The following TOP2A variants were observed in gnomAD, a reference collection of about 807,000 sequenced individuals.
TOP2A encodes the protein DNA topoisomerase II alpha.
A neutral mutation model predicts 187.2 loss-of-function variants in TOP2A; 68 were observed. The observed-to-expected ratio is 0.36, with a 90% CI of 0.30 to 0.44. The LOEUF (loss-of-function observed/expected upper bound fraction) is 0.44. Ranked by LOEUF, TOP2A falls within the 20% of genes least tolerant of loss-of-function variation. The probability of loss-of-function intolerance (pLI) is 1.00; values close to 1 mark genes in which losing one functional copy is unlikely to be tolerated. For missense variants in TOP2A, 1,196 were observed against 1,808.7 expected, an observed-to-expected ratio of 0.66 and a Z score of 6.14; for synonymous variants, 542 against 593.2, an observed-to-expected ratio of 0.91 and a Z score of 1.25.
chr17:40,392,745 G>T lies in TOP2A; in HGVS notation c.3812-8C>A. The T allele has an allele frequency of 6.3e-7, 1 of 1,599,074 alleles. No individual in the cohort carries two copies. The highest frequency in any genetic ancestry group is 8.5e-7 in the Non-Finnish European group (1 of 1,176,058). On this transcript the variant is annotated splice_polypyrimidine_tract_variant and splice_region_variant and intron_variant, in intron 29 of 34. Coordinates refer to ENST00000423485, the MANE Select transcript of TOP2A (RefSeq NM_001067.4). The stretch of plus-strand genomic sequence containing the variant: ...GTTTCTTTGTCTTTGTACCTAGAGG[G>T]GAGATAGAAATTAATCACCTTTATA...
chr17:40,405,193 T>A (rs1352058166), intron 16 of TOP2A, among the ~76,000 whole-genome samples: 1 of 149,862 alleles, frequency 6.7e-6, no homozygotes, highest in Non-Finnish European at 1.5e-5. Flanking sequence ...GGAGTTTCAC[T>A]CTTGTGGAAT....
chr17:40,402,811 C>T (rs2143654352), intron 20 of TOP2A, 95 bp downstream of exon 20: 1 of 1,371,276 alleles, frequency 7.3e-7, no homozygotes, highest in Non-Finnish European at 1.0e-6. Context: ...CCAGTATCTT[C>T]TGATTAACTG....
At chr17:40,401,103 T>C (rs768848147) in intron 20 of TOP2A, 22 bp from the exon 21 acceptor site, 2 of 1,590,826 alleles carry the variant, frequency 1.3e-6, no homozygotes, top group South Asian at 2.2e-5. Flanking sequence ...AAACAAAGAA[T>C]GTTATTTTAC....
chr17:40,390,936 T>A (rs1015173551), intron 33 of TOP2A, among the ~76,000 whole-genome samples: 4 of 152,120 alleles, frequency 2.6e-5, no homozygotes, highest in African/African-American at 9.7e-5. Flanking sequence ...TAAACTTAAT[T>A]CAATTTCAAG....
At position 40,408,120 on chromosome 17, in the gene TOP2A, G is replaced by A. The variant is rs2143670105; in HGVS notation, c.1347C>T (p.Gly449=). ...PKLDDANDAG[G]RNSTECTLIL... is the part of the protein sequence containing the mutation. ...TAAGCGTACACTCAGTGGAGTTTCG[G>A]CCCCCTAAAATAAAAATATACATAT... Residue 449 remains glycine (G), a synonymous_variant, in exon 12 of 35, where the codon GGC becomes GGT. Coordinates refer to ENST00000423485, the MANE Select transcript of TOP2A (RefSeq NM_001067.4). 1 of 1,590,556 alleles carries A rather than the reference G, an allele frequency of 6.3e-7. No individual in the cohort carries two copies. Among genetic ancestry groups the A allele is most frequent in the Non-Finnish European group, 8.5e-7 (1 of 1,170,760 alleles).
intron 10 of TOP2A, chr17:40,409,374 CAAA>C: frequency 6.0e-6 from 2 of 331,184 alleles, no homozygotes; most frequent in South Asian, 2.4e-5. Flanking sequence ...AAGCTGTCTC[CAAA>C]AAAAAAAATT....
chr17:40,394,643 C>A (rs564561846), intron 29 of TOP2A, among the ~76,000 whole-genome samples: 3 of 151,966 alleles, frequency 2.0e-5, no homozygotes, highest in Admixed American at 6.6e-5. Flanking sequence ...AAATGGTATA[C>A]GTTAAATGGG....
At position 40,392,335 on chromosome 17, in the gene TOP2A, G is replaced by A. The variant is rs28969502; in HGVS notation, c.3971C>T (p.Thr1324Ile). Residue 1324 changes from threonine (T) to isoleucine (I), a missense_variant, in exon 31 of 35, where the codon ACA (threonine) becomes ATA (isoleucine). Thr to Ile is a moderately conservative substitution (Grantham distance 89, BLOSUM62 -1). Around this residue, in one of 10 missense-constraint regions of TOP2A, gnomAD observed 374 missense variants for 403.3 expected, o/e 0.93. Coordinates refer to ENST00000423485, the MANE Select transcript of TOP2A (RefSeq NM_001067.4). ...ETEPRRAATK[T>I]KFTMDLDSDE... ...TGAATCCAAATCCATTGTGAATTTT[G>A]TTTTTGCTAGTAAAAAAACCATATA... 2 of 1,583,334 alleles carry A rather than the reference G, an allele frequency of 1.3e-6. No individual in the cohort carries two copies. Among genetic ancestry groups the A allele is most frequent in the Middle Eastern group, 1.7e-4 (1 of 5,952 alleles).
At chr17:40,389,895 T>A (rs1220371715) in intron 34 of TOP2A, 70 bp downstream of exon 34, 27 of 1,454,742 alleles carry the variant, frequency 1.9e-5, no homozygotes, top group Admixed American at 2.5e-5. Context: ...GCCAAATTTT[T>A]AAGAGCAATG....
At chr17:40,391,393 AC>A in intron 33 of TOP2A, 112 bp downstream of exon 33, 1 of 1,095,068 alleles carries the variant, frequency 9.1e-7, no homozygotes, top group South Asian at 1.8e-5. Flanking sequence ...CAATTGGAAA[AC>A]ATTTAATCTG....
At chr17:40,397,462 T>A (rs1272159616) in intron 27 of TOP2A, among the ~76,000 whole-genome samples, 1 of 151,966 alleles carries the variant, frequency 6.6e-6, no homozygotes, top group Non-Finnish European at 1.5e-5. Flanking sequence ...ATTTTTGTAT[T>A]TTTAGTAGAG....
intron 28 of TOP2A, 43 bp from the exon 29 acceptor site, chr17:40,395,582 G>C: frequency 7.2e-7 from 1 of 1,383,064 alleles, no homozygotes; most frequent in African/African-American, 1.4e-5. Flanking sequence ...AATAAATTCT[G>C]AACTATGGGA....
Position 40,404,828 on chromosome 17 carries a change from T to C in TOP2A, c.2009A>G (p.Glu670Gly). 6.2e-7 allele frequency: 1 copy of C among 1,604,858 alleles called. No individual in the cohort carries two copies. Residue 670 changes from glutamate (E) to glycine (G), a missense_variant, in exon 17 of 35, where the codon GAG becomes GGG. By Grantham distance (98) the Glu-to-Gly change is moderately conservative (BLOSUM62 -2). This residue lies in a region of TOP2A where 209 missense variants were observed against 376.9 expected (regional missense o/e 0.55). Transcript: ENST00000423485. Reference sequence around the variant, plus strand: ...AAGTAACTTTCGTTGTCTTCTATCCTCCATGAAATTAGTTAACCATTCCTT... The same window carrying C: ...AAGTAACTTTCGTTGTCTTCTATCCCCCATGAAATTAGTTAACCATTCCTT... ...DRKEWLTNFM[E>G]DRRQRKLLGL...
At chr17:40,413,114 A>G (rs1015539071) in intron 6 of TOP2A, 81 bp downstream of exon 6, 1 of 1,321,700 alleles carries the variant, frequency 7.6e-7, no homozygotes, top group African/African-American at 1.5e-5. Flanking sequence ...ATTATGTTAA[A>G]TTAAACCAAT....
chr17:40,396,805 A>C (rs558045788), intron 27 of TOP2A, among the ~76,000 whole-genome samples: 2 of 152,296 alleles, frequency 1.3e-5, no homozygotes, highest in East Asian at 3.9e-4. Context: ...TATCCAACCA[A>C]CTGATTACAA....
rs886779645 is a variant in TOP2A at position 40,401,054 on chromosome 17, T to C, written c.2460A>G (p.Pro820=). The C allele has an allele frequency of 1.2e-6, 2 of 1,613,686 alleles. No individual in the cohort carries two copies. The highest frequency in any genetic ancestry group is 2.2e-5 in the South Asian group (2 of 90,978). Residue 820 remains proline, a synonymous_variant, in exon 21 of 35, where the codon CCA becomes CCG. Coordinates refer to ENST00000423485, the MANE Select transcript of TOP2A (RefSeq NM_001067.4). ...AAAACTTCAACGTGTGATCATCTTTTGGTGGAAATAACAATCGAGCCAAAG... is the reference window on the plus strand; with the variant it reads ...AAAACTTCAACGTGTGATCATCTTTCGGTGGAAATAACAATCGAGCCAAAG... The part of the protein sequence containing the change: ...LSSLARLLFP[P]KDDHTLKFLY...
chr17:40,411,193 A>G lies in TOP2A; in HGVS notation c.1119T>C (p.Phe373=), dbSNP rs370086693. Residue 373 remains phenylalanine (F), a synonymous_variant, in exon 10 of 35, where the codon TTT becomes TTC. Coordinates refer to ENST00000423485, the MANE Select transcript of TOP2A (RefSeq NM_001067.4). The surrounding 1 kb of genome is among the most constrained non-coding windows in gnomAD (Gnocchi z 4.4). ...FVNALIENPT[F]DSQTKENMTL... ...TCATGTTTTCTTTTGTCTGAGAGTC[A>G]AAGGTTGGGTTTTCAATTAAGGCAT... 1.7e-5 allele frequency: 27 copies of G among 1,613,480 alleles called. No individual in the cohort carries two copies. The highest frequency in any genetic ancestry group is 2.2e-5 in the Non-Finnish European group (26 of 1,179,768).
Position 40,400,064 on chromosome 17 carries a change from G to T in TOP2A, c.3004C>A (p.Leu1002Ile). Residue 1002 changes from leucine to isoleucine, a missense_variant, in exon 24 of 35, where the codon CTT becomes ATT. By Grantham distance (5) the Leu-to-Ile change is conservative. Transcript: ENST00000423485. Reference sequence around the variant, plus strand: ...TTTAAACAGCCTACGTGGTCAAAAAGCACCTGAAAAAGGAAAACAAGATTA... The same window carrying T: ...TTTAAACAGCCTACGTGGTCAAAAATCACCTGAAAAAGGAAAACAAGATTA... ...QTSLTCNSMV[L>I]FDHVGCLKKY... 6.2e-7 allele frequency: 1 copy of T among 1,601,806 alleles called. No homozygotes were observed. Among genetic ancestry groups the T allele is most frequent in the Non-Finnish European group, 8.5e-7 (1 of 1,175,828 alleles).
At chr17:40,398,110 C>CTTT (rs1048890086) in intron 27 of TOP2A, among the ~76,000 whole-genome samples, 9 of 127,656 alleles carry the variant, frequency 7.1e-5, no homozygotes, top group African/African-American at 8.9e-5. Context: ...TAATCTGTCC[C>CTTT]TTTTTTTTTT....
Sources: gnomAD v4.1 joint callset for allele counts (sites outside exome capture counted in the v4.1 genomes callset) on GRCh38, gnomAD v4.1.1 for gene constraint, gnomAD v4.1.1 regional missense constraint, Gnocchi (gnomAD v3.1) non-coding constraint, MANE v1.5 for transcripts, NCBI Gene and HGNC (gene_info 2026-07-23, HGNC 2026-07-21) for gene names.